The following PKP2 variants were observed in gnomAD, a reference collection of about 807,000 sequenced individuals.
PKP2 encodes plakophilin-2.
A neutral mutation model predicts 83.4 loss-of-function variants in PKP2; 73 were observed. That is an observed-to-expected ratio of 0.88 (90% CI 0.72 to 1.06). The LOEUF is 1.06. PKP2 is among the 50% of genes least tolerant of loss of function. The pLI is 0.00. For synonymous variants in PKP2, 409 were observed against 430.4 expected, an observed-to-expected ratio of 0.95 and a Z score of 0.62; for missense variants, 966 against 1,065.4, an observed-to-expected ratio of 0.91 and a Z score of 1.30.
intron 3 of PKP2, 34 bp from the exon 4 acceptor site, chr12:32,869,096 A>T: frequency 6.2e-7 from 1 of 1,612,700 alleles, no homozygotes; most frequent in Non-Finnish European, 8.5e-7. Flanking sequence ...GCCAGATTCC[A>T]AACCTCCCTC....
At chr12:32,843,148 T>A (rs765765056) in intron 5 of PKP2, 8 of 444,872 alleles carry the variant, frequency 1.8e-5, no homozygotes, top group South Asian at 1.1e-4. Flanking sequence ...CCCGGCTAAT[T>A]TTTTTGTATT....
At chr12:32,834,213 G>C (rs1956525674) in intron 6 of PKP2, among the ~76,000 whole-genome samples, 1 of 152,142 alleles carries the variant, frequency 6.6e-6, no homozygotes, top group Non-Finnish European at 1.5e-5. Flanking sequence ...ACGAAACCCA[G>C]AGTTCCTCCA....
At chr12:32,893,029 C>T (rs1957088782) in intron 1 of PKP2, among the ~76,000 whole-genome samples, 1 of 152,114 alleles carries the variant, frequency 6.6e-6, no homozygotes, top group Non-Finnish European at 1.5e-5. Flanking sequence ...AGAGTTACAG[C>T]CAACTTTAAA....
rs767272150 is a variant in PKP2, at chr12:32,792,750, T to C, written c.2358-19A>G. The C allele has an allele frequency of 1.6e-5, 25 of 1,603,936 alleles. No individual in the cohort carries two copies. In the Admixed American group the frequency reaches 3.8e-4, roughly 25 times the overall value. On this transcript the variant is annotated intron_variant, in intron 11 of 12. Coordinates refer to ENST00000340811, the MANE Select transcript of PKP2 (RefSeq NM_001005242.3). ...GGCATAGCTGAAAAGAAAAGGACAT[T>C]CTGAGATCAGGGAGAATGAGTGAGG...
intron 4 of PKP2, among the ~76,000 whole-genome samples, chr12:32,854,500 A>T (rs776443974): frequency 5.3e-5 from 8 of 152,242 alleles, no homozygotes; most frequent in Non-Finnish European, 1.0e-4. Context: ...TGTAACTAGA[A>T]GATGGTAGGT....
At chr12:32,811,833 G>C (rs1402686809) in intron 9 of PKP2, among the ~76,000 whole-genome samples, 1 of 152,140 alleles carries the variant, frequency 6.6e-6, no homozygotes, top group Admixed American at 6.5e-5. Context: ...AAACATAAAT[G>C]CTTCCTCTTT....
At chr12:32,820,742 T>C in intron 9 of PKP2, 1 of 155,452 alleles carries the variant, frequency 6.4e-6, no homozygotes, top group Non-Finnish European at 1.4e-5. Flanking sequence ...TCTGGGCATA[T>C]GATCCAGACT....
At chr12:32,834,809 C>T (rs915676490) in intron 6 of PKP2, among the ~76,000 whole-genome samples, 11 of 151,876 alleles carry the variant, frequency 7.2e-5, no homozygotes, top group African/African-American at 9.7e-5. Context: ...AGACTTCTCC[C>T]GAATAATAAA....
At chr12:32,891,575 A>G (rs1957075427) in intron 1 of PKP2, among the ~76,000 whole-genome samples, 1 of 152,236 alleles carries the variant, frequency 6.6e-6, no homozygotes, top group South Asian at 2.1e-4. Flanking sequence ...ACAAATACCT[A>G]GAATATTTAA....
chr12:32,865,531 CA>C, intron 4 of PKP2, among the ~76,000 whole-genome samples: 1 of 151,118 alleles, frequency 6.6e-6, no homozygotes, highest in East Asian at 2.0e-4. Flanking sequence ...AAAAAAAATA[CA>C]AAAATTAGCC....
chr12:32,820,020 G>A (rs947402746), intron 9 of PKP2: 10 of 152,120 alleles, frequency 6.6e-5, no homozygotes, highest in Non-Finnish European at 1.2e-4. Flanking sequence ...ATTCATTAGT[G>A]TCCCTGTGTC....
chr12:32,798,350 C>G (rs181708508), intron 10 of PKP2, among the ~76,000 whole-genome samples: 1,570 of 152,140 alleles, frequency 0.01, 6 homozygotes, highest in South Asian at 0.042. Context: ...CTCAGCCTCC[C>G]AAACTGCTGG....
intron 3 of PKP2, among the ~76,000 whole-genome samples, chr12:32,870,697 C>T (rs949976357): frequency 1.3e-5 from 2 of 152,210 alleles, no homozygotes; most frequent in East Asian, 1.9e-4. Context: ...AGCTCAATGG[C>T]AAAGTCTTTG....
chr12:32,852,320 C>T (rs1956706653), intron 4 of PKP2, among the ~76,000 whole-genome samples: 1 of 152,130 alleles, frequency 6.6e-6, no homozygotes, highest in South Asian at 2.1e-4. Context: ...GGCAGATTTG[C>T]ATATTTTCTA....
intron 6 of PKP2, among the ~76,000 whole-genome samples, chr12:32,837,611 G>C (rs150393047): frequency 5.3e-5 from 8 of 152,280 alleles, no homozygotes; most frequent in Non-Finnish European, 1.2e-4. Flanking sequence ...ATTCAAATGA[G>C]TGGTCTGGAC....
chr12:32,847,340 G>T (rs1334808875), intron 5 of PKP2, among the ~76,000 whole-genome samples: 2 of 152,172 alleles, frequency 1.3e-5, no homozygotes, highest in Non-Finnish European at 2.9e-5. Context: ...CCCTCCAGTA[G>T]GGATGTTTGG....
intron 10 of PKP2, among the ~76,000 whole-genome samples, chr12:32,797,911 C>T (rs555004361): frequency 5.9e-5 from 9 of 152,018 alleles, no homozygotes; most frequent in African/African-American, 2.2e-4. Flanking sequence ...AATCCCAGCA[C>T]TTTAGAAGGC....
intron 5 of PKP2, among the ~76,000 whole-genome samples, chr12:32,846,283 C>T (rs984961491): frequency 3.3e-5 from 5 of 152,068 alleles, no homozygotes; most frequent in African/African-American, 7.2e-5. Flanking sequence ...ATTTCAATTA[C>T]GGGAACACTA....
chr12:32,845,517 A>T (rs936864130), intron 5 of PKP2, among the ~76,000 whole-genome samples: 1 of 152,148 alleles, frequency 6.6e-6, no homozygotes, highest in Admixed American at 6.5e-5. Context: ...ATGCCACTGT[A>T]CTCCAGCCTC....
Sources: gnomAD v4.1 joint callset for allele counts (sites outside exome capture counted in the v4.1 genomes callset) on GRCh38, gnomAD v4.1.1 for gene constraint, MANE v1.5 for transcripts, NCBI Gene and HGNC (gene_info 2026-07-23, HGNC 2026-07-21) for gene names.